The following RELB variants were observed in gnomAD, a reference collection of about 807,000 sequenced individuals.
RELB encodes transcription factor RelB.
RELB carries 14 observed loss-of-function variants against 55.4 expected under a neutral mutation model. That is an observed-to-expected ratio of 0.25 (90% CI 0.17 to 0.40). RELB has a LOEUF of 0.40. Ranked by LOEUF, RELB falls within the 10% of genes least tolerant of loss-of-function variation. The pLI is 1.00. For missense variants in RELB, 669 were observed against 830.7 expected, an observed-to-expected ratio of 0.81 and a Z score of 2.39; for synonymous variants, 409 against 371.3, an observed-to-expected ratio of 1.10 and a Z score of -1.17.
chr19:45,003,474 C>CAA (rs55717847), intron 2 of RELB: 557 of 343,800 alleles, frequency 1.6e-3, no homozygotes, highest in South Asian at 3.1e-3. Context: ...GACTCCGACT[C>CAA]AAAAAAAAAA....
At chr19:45,036,989 G>A (rs1971693455) in intron 11 of RELB, among the ~76,000 whole-genome samples, 1 of 151,524 alleles carries the variant, frequency 6.6e-6, no homozygotes, top group Non-Finnish European at 1.5e-5. Flanking sequence ...GATTAAGAGG[G>A]CACCTAAGGC....
At chr19:45,014,324 C>T (rs1426162965) in intron 4 of RELB, among the ~76,000 whole-genome samples, 3 of 151,722 alleles carry the variant, frequency 2.0e-5, no homozygotes, top group Non-Finnish European at 2.9e-5. Flanking sequence ...TGCATGCCAC[C>T]GTGCCTGGCT....
chr19:45,002,343 T>G (rs1009248603), intron 1 of RELB, among the ~76,000 whole-genome samples: 7 of 152,106 alleles, frequency 4.6e-5, no homozygotes, highest in African/African-American at 1.2e-4. Flanking sequence ...GGATGTTTTT[T>G]TTTGTTTGTT....
intron 8 of RELB, 44 bp downstream of exon 8, chr19:45,029,036 C>A: frequency 7.3e-7 from 1 of 1,378,488 alleles, no homozygotes; most frequent in Non-Finnish European, 1.0e-6. Flanking sequence ...CGGGGTCTGG[C>A]AACTTGGAGG....
intron 3 of RELB, 139 bp from the exon 4 acceptor site, chr19:45,011,797 T>TGTGA (rs1322532535): frequency 3.4e-4 from 24 of 69,884 alleles, no homozygotes; most frequent in Non-Finnish European, 4.9e-4. Flanking sequence ...TGTGTGTGTG[T>TGTGA]GAGAGAGAGA....
Position 45,001,587 on chromosome 19 carries a change from G to A in RELB, c.8G>A (p.Arg3Gln). The A allele has an allele frequency of 2.7e-6, 4 of 1,472,742 alleles. No individual in the cohort carries two copies. The African/African-American group carries it at 4.4e-5, about 16-fold the overall frequency. The allele number at this position is 1,472,742 out of a possible 1,614,324, so 91.2% of individuals were successfully genotyped here. A position where few individuals can be genotyped will look rare whatever the true frequency, so the allele number is the denominator to read the frequency against. ...CCCGGCCGGCCCGCGTGCATGCTTC[G>A]GTCTGGGCCAGCCTCTGGGCCGTCC... The part of the protein sequence containing the change: ML[R>Q]SGPASGPSVP... The change falls in exon 1 of 12, where the codon CGG becomes CAG. Residue 3 changes from arginine to glutamine, a missense_variant. Physicochemically the swap from Arg to Gln is conservative, Grantham distance 43 (BLOSUM62 1). Around this residue, in one of 3 missense-constraint regions of RELB, gnomAD observed 323 missense variants for 368.5 expected, o/e 0.88. Transcript: ENST00000221452.
At chr19:45,031,305 TG>T (rs1010110984) in intron 8 of RELB, among the ~76,000 whole-genome samples, 2 of 151,924 alleles carry the variant, frequency 1.3e-5, no homozygotes, top group African/African-American at 4.8e-5. Context: ...TTAATTTTCT[TG>T]TAGAGACAAG....
At chr19:45,009,466 G>A (rs1205704395) in intron 2 of RELB, among the ~76,000 whole-genome samples, 10 of 152,166 alleles carry the variant, frequency 6.6e-5, no homozygotes, top group Non-Finnish European at 1.2e-4. Context: ...AATTTGTTTG[G>A]AAATTTGGGC....
chr19:45,032,647 C>T lies in RELB; in HGVS notation c.1105C>T (p.Leu369=), dbSNP rs777367214. 1.9e-6 allele frequency: 3 copies of T among 1,612,898 alleles called. No homozygotes were observed. Among genetic ancestry groups the T allele is most frequent in the Non-Finnish European group, 1.7e-6 (2 of 1,179,508 alleles). Residue 369 remains leucine, a synonymous_variant, in exon 9 of 12, where the codon CTG becomes TTG. Coordinates refer to ENST00000221452, the MANE Select transcript of RELB (RefSeq NM_006509.4). The part of the protein sequence containing the change: ...IVFKTPPYED[L]EIVEPVTVNV... ...GTTCAAGACGCCGCCCTACGAGGAC[C>T]TGGAGATTGTCGAGCCCGTGACAGT...
intron 4 of RELB, among the ~76,000 whole-genome samples, chr19:45,019,859 T>C (rs1452453921): frequency 6.6e-6 from 1 of 152,056 alleles, no homozygotes; most frequent in Non-Finnish European, 1.5e-5. Context: ...GTATTTTTAG[T>C]AGAGACGGTG....
At position 45,025,354 on chromosome 19, in the gene RELB, G is replaced by A. The variant is rs754782739; in HGVS notation, c.688G>A (p.Val230Met). ...HSFNNLGIQC[V>M]RKKEIEAAIE... ...TTTTAACAACCTGGGCATCCAGTGT[G>A]TGAGGAAGAAGGAGATTGAGGCTGC... Residue 230 changes from valine to methionine, a missense_variant, in exon 6 of 12, where the codon GTG becomes ATG. Physicochemically the swap from Val to Met is conservative, Grantham distance 21 (BLOSUM62 1). Coordinates refer to ENST00000221452, the MANE Select transcript of RELB (RefSeq NM_006509.4). 1.1e-5 allele frequency: 18 copies of A among 1,612,598 alleles called. No homozygotes were observed. The highest frequency in any genetic ancestry group is 1.5e-5 in the Non-Finnish European group (18 of 1,179,422).
At position 45,008,347 on chromosome 19, in the gene RELB, C is replaced by T. The variant is rs116242736; in HGVS notation, c.155-1467C>T. 1,354 of 450,448 alleles carry T rather than the reference C, an allele frequency of 3.0e-3. 13 individuals are homozygous for T. The highest frequency in any genetic ancestry group is 0.021 in the African/African-American group (1,065 of 50,020). 27.9% of individuals were successfully genotyped at this position (450,448 alleles called of 1,614,324 possible). A position where few individuals can be genotyped will look rare whatever the true frequency, so the allele number is the denominator to read the frequency against. ...GCAAGTTGCAGAGCCAGGATTTGAA[C>T]AGAGGCAGTGAACCCAGAGCTCCAG... On this transcript the variant is annotated intron_variant, in intron 2 of 11. Transcript: ENST00000221452.
At chr19:45,003,507 A>G in intron 2 of RELB, 2 of 480,614 alleles carry the variant, frequency 4.2e-6, no homozygotes, top group South Asian at 3.1e-5. Flanking sequence ...AAAGCGTGAC[A>G]GGTAAATCTT....
At chr19:45,032,027 G>GGAGA (rs1376435924) in intron 8 of RELB, among the ~76,000 whole-genome samples, 15 of 151,878 alleles carry the variant, frequency 9.9e-5, no homozygotes, top group African/African-American at 3.6e-4. Flanking sequence ...CACGAGGTCA[G>GGAGA]GAGAGCGAGA....
At chr19:45,033,668 G>C (rs1339789420) in intron 9 of RELB, among the ~76,000 whole-genome samples, 1 of 151,624 alleles carries the variant, frequency 6.6e-6, no homozygotes, top group Non-Finnish European at 1.5e-5. Context: ...CTGGGCAACA[G>C]AGCAAGACTC....
chr19:45,012,098 G>GC lies in RELB; in HGVS notation c.331dup (p.Leu111ProfsTer113). 1 of 1,549,250 alleles carries GC rather than the reference G, an allele frequency of 6.5e-7. No individual in the cohort carries two copies. On this transcript the variant is annotated frameshift_variant, in exon 4 of 12. Coordinates refer to ENST00000221452, the MANE Select transcript of RELB (RefSeq NM_006509.4). LOFTEE classifies it high-confidence loss of function. ...CCAGCCACGCCGCCGCCTTGGGGCT[G>GC]CCCCCTGGGCCGACTAGTGTCCCCA...
intron 4 of RELB, among the ~76,000 whole-genome samples, chr19:45,020,696 T>G (rs1431693596): frequency 1.3e-5 from 2 of 151,646 alleles, no homozygotes; most frequent in Non-Finnish European, 2.9e-5. Context: ...TAGCTGGGAC[T>G]ACAGGTGCCC....
At chr19:45,037,178 G>C (rs1971696839) in intron 11 of RELB, among the ~76,000 whole-genome samples, 1 of 151,850 alleles carries the variant, frequency 6.6e-6, no homozygotes, top group Non-Finnish European at 1.5e-5. Context: ...CTACTCAGGA[G>C]ACTGAGGCAG....
chr19:45,003,754 A>G (rs755777248), intron 2 of RELB, among the ~76,000 whole-genome samples: 1 of 151,694 alleles, frequency 6.6e-6, no homozygotes, highest in Non-Finnish European at 1.5e-5. Flanking sequence ...GAATTGATAC[A>G]GGTACACTTT....
Sources: gnomAD v4.1 joint callset for allele counts (sites outside exome capture counted in the v4.1 genomes callset) on GRCh38, gnomAD v4.1.1 for gene constraint, gnomAD v4.1.1 regional missense constraint, MANE v1.5 for transcripts, NCBI Gene and HGNC (gene_info 2026-07-23, HGNC 2026-07-21) for gene names.